CSMD3: variants seen among roughly 807,000 people sequenced by gnomAD.
CSMD3 encodes CUB and Sushi multiple domains 3, also known as CUB and sushi domain-containing protein 3.
In CSMD3, 177 loss-of-function variants were observed where a neutral mutation model predicts 435.2. The ratio of observed to expected loss-of-function variants is 0.41; its 90% confidence interval spans 0.36 to 0.46. The LOEUF is 0.46. Ranked by LOEUF, CSMD3 falls within the 20% of genes least tolerant of loss-of-function variation. The pLI is 0.34. For synonymous variants in CSMD3, 1,656 were observed against 1,520.5 expected, an observed-to-expected ratio of 1.09 and a Z score of -2.07; for missense variants, 4,265 against 4,504.6, an observed-to-expected ratio of 0.95 and a Z score of 1.52.
At chr8:112,964,242 T>C (rs1186854199) in intron 7 of CSMD3, among the ~76,000 whole-genome samples, 5 of 151,952 alleles carry the variant, frequency 3.3e-5, no homozygotes, top group South Asian at 2.1e-4. Flanking sequence ...CATCTGACTA[T>C]AGATAACATA....
At chr8:113,053,734 G>C (rs2088197209) in intron 5 of CSMD3, among the ~76,000 whole-genome samples, 1 of 152,108 alleles carries the variant, frequency 6.6e-6, no homozygotes, top group African/African-American at 2.4e-5. Context: ...TTATACATCA[G>C]TGTGTGTAGT....
At chr8:112,641,334 T>C (rs1324195840) in intron 20 of CSMD3, among the ~76,000 whole-genome samples, 2 of 152,132 alleles carry the variant, frequency 1.3e-5, no homozygotes, top group African/African-American at 4.8e-5. Context: ...AAGAAAATGA[T>C]CCTGAGAAAC....
intron 1 of CSMD3, among the ~76,000 whole-genome samples, chr8:113,408,440 G>A (rs1299456445): frequency 6.6e-6 from 1 of 152,056 alleles, no homozygotes; most frequent in East Asian, 1.9e-4. Context: ...GTTAATGAAA[G>A]GCTAAAACAA....
chr8:112,749,921 G>A lies in CSMD3; in HGVS notation c.1972+50241C>T, dbSNP rs183731606. Among the ~76,000 whole-genome samples, 17 of 152,062 alleles carry A rather than the reference G, an allele frequency of 1.1e-4. No individual in the cohort carries two copies. The East Asian group carries it at 3.3e-3, about 29-fold the overall frequency. On this transcript the variant is annotated intron_variant, in intron 13 of 70. Coordinates refer to ENST00000297405, the MANE Select transcript of CSMD3 (RefSeq NM_198123.2). ...TGCACAAAGATTAGAGTACACTCAG[G>A]GCAGAGGGGTCAGGCAATAAGCAAC...
intron 38 of CSMD3, among the ~76,000 whole-genome samples, chr8:112,368,690 AT>A (rs917987391): frequency 6.6e-6 from 1 of 152,160 alleles, no homozygotes; most frequent in African/African-American, 2.4e-5. Context: ...AAGATGAAAA[AT>A]TATGGGAGGA....
chr8:113,202,851 A>C (rs1009798877), intron 3 of CSMD3, among the ~76,000 whole-genome samples: 11 of 152,296 alleles, frequency 7.2e-5, no homozygotes, highest in Non-Finnish European at 1.5e-4. Context: ...TGAAGCTGAA[A>C]GGAGAACGTA....
chr8:113,095,578 T>C (rs1020502127), intron 5 of CSMD3, among the ~76,000 whole-genome samples: 1 of 152,274 alleles, frequency 6.6e-6, no homozygotes, highest in East Asian at 1.9e-4. Context: ...TTTTTTCTTT[T>C]GGTTTCCAGG....
chr8:113,312,659 T>C (rs539052170), intron 2 of CSMD3: 12 of 152,166 alleles, frequency 7.9e-5, no homozygotes, highest in Non-Finnish European at 1.3e-4. Context: ...ACAGGTAATA[T>C]TGAAAGAAGT....
chr8:112,451,623 C>T (rs1441377504), intron 32 of CSMD3, among the ~76,000 whole-genome samples: 1 of 151,918 alleles, frequency 6.6e-6, no homozygotes, highest in Non-Finnish European at 1.5e-5. Flanking sequence ...ACTGCAACCT[C>T]CGCCTCCCGG....
intron 32 of CSMD3, among the ~76,000 whole-genome samples, chr8:112,469,990 G>A (rs1040925094): frequency 2.0e-5 from 3 of 152,146 alleles, no homozygotes; most frequent in Non-Finnish European, 2.9e-5. Flanking sequence ...AAGTGAGAAT[G>A]AGAGGAAGCA....
chr8:112,715,641 A>T (rs1471657832), intron 13 of CSMD3, among the ~76,000 whole-genome samples: 1 of 152,168 alleles, frequency 6.6e-6, no homozygotes, highest in African/African-American at 2.4e-5. Context: ...CTTCAGTCCA[A>T]TATCCCTGAT....
chr8:112,794,042 C>G (rs768317184), intron 13 of CSMD3, among the ~76,000 whole-genome samples: 3 of 152,030 alleles, frequency 2.0e-5, no homozygotes, highest in African/African-American at 7.2e-5. Flanking sequence ...TAGCCTCACA[C>G]AATTGAAAGA....
intron 12 of CSMD3, among the ~76,000 whole-genome samples, chr8:112,818,001 G>T (rs549654806): frequency 1.0e-3 from 158 of 151,596 alleles, no homozygotes; most frequent in Non-Finnish European, 1.7e-3. Flanking sequence ...CATAAAAAAA[G>T]AAATTTTATA....
chr8:112,644,957 T>C lies in CSMD3; in HGVS notation c.3310+152A>G. ...TATAGAAGAGTAAATATAATTTTTG[T>C]GGCAATTATTTAAATTGAAATGTGT... On this transcript the variant is annotated intron_variant, in intron 20 of 70. Transcript: ENST00000297405. The C allele has an allele frequency of 4.5e-6, 3 of 659,602 alleles. No homozygotes were observed. The South Asian group carries it at 5.1e-5, about 11-fold the overall frequency. 40.9% of individuals were successfully genotyped at this position (659,602 alleles called of 1,614,324 possible).
At chr8:113,080,937 C>T (rs1490724485) in intron 5 of CSMD3, among the ~76,000 whole-genome samples, 2 of 152,098 alleles carry the variant, frequency 1.3e-5, no homozygotes, top group Non-Finnish European at 2.9e-5. Flanking sequence ...TCTTCTAGTT[C>T]TCTGTTAGAT....
At chr8:112,441,370 C>T (rs1814996945) in intron 32 of CSMD3, among the ~76,000 whole-genome samples, 1 of 152,168 alleles carries the variant, frequency 6.6e-6, no homozygotes, top group African/African-American at 2.4e-5. Flanking sequence ...TTTCCCACAT[C>T]TTTCTGTATT....
intron 18 of CSMD3, among the ~76,000 whole-genome samples, chr8:112,652,040 CTA>C (rs1310866174): frequency 6.6e-6 from 1 of 152,114 alleles, no homozygotes; most frequent in Non-Finnish European, 1.5e-5. Flanking sequence ...CCAATTTATT[CTA>C]TATAAAATGT....
intron 3 of CSMD3, among the ~76,000 whole-genome samples, chr8:113,243,859 T>C (rs903069014): frequency 6.6e-6 from 1 of 152,194 alleles, no homozygotes; most frequent in Admixed American, 6.6e-5. Flanking sequence ...CCATAACTAA[T>C]GATGTTGAAC....
chr8:112,884,502 A>G (rs898817724), intron 10 of CSMD3, among the ~76,000 whole-genome samples: 2 of 151,718 alleles, frequency 1.3e-5, no homozygotes, highest in Non-Finnish European at 2.9e-5. Context: ...TGCATTGCAG[A>G]ATGCTTAGCA....
Sources: gnomAD v4.1 joint callset for allele counts (sites outside exome capture counted in the v4.1 genomes callset) on GRCh38, gnomAD v4.1.1 for gene constraint, MANE v1.5 for transcripts, NCBI Gene and HGNC (gene_info 2026-07-23, HGNC 2026-07-21) for gene names.